The following MGAT1 variants were observed in gnomAD, a reference collection of about 807,000 sequenced individuals.
The protein encoded by MGAT1 is N-glycosyl-oligosaccharide-glycoprotein N-acetylglucosaminyltransferase I.
MGAT1 carries 14 observed loss-of-function variants against 31.7 expected under a neutral mutation model. The observed-to-expected ratio is 0.44, with a 90% CI of 0.29 to 0.69. The LOEUF (loss-of-function observed/expected upper bound fraction) is 0.69, where lower values mean the gene tolerates loss of function less well. Ranked by LOEUF, MGAT1 falls within the 30% of genes least tolerant of loss-of-function variation. MGAT1 has a pLI of 0.12. For synonymous variants in MGAT1, 338 were observed against 276.0 expected (o/e 1.22, Z -2.23); for missense variants, 557 against 626.0 (o/e 0.89, Z 1.18).
At position 180,792,062 on chromosome 5, in the gene MGAT1, T is replaced by C. The variant is rs573544483; in HGVS notation, c.910A>G (p.Ile304Val). 95 of 1,613,102 alleles carry C rather than the reference T, an allele frequency of 5.9e-5. No individual in the cohort carries two copies. The highest frequency in any genetic ancestry group is 8.0e-5 in the Non-Finnish European group (94 of 1,179,902). ...ATCGTTCTTGAGATCTCAGGGCGTATGCAGGCCCGCCCCTGCCGCTGCTCC... is the reference window on the plus strand; with the variant it reads ...ATCGTTCTTGAGATCTCAGGGCGTACGCAGGCCCGCCCCTGCCGCTGCTCC... ...RPEQRQGRACIRPEISRTMTF... is the reference protein window; with the variant it reads ...RPEQRQGRACVRPEISRTMTF... The change falls in exon 2 of 2, where the codon ATA becomes GTA. Residue 304 changes from isoleucine to valine, a missense_variant. Coordinates refer to ENST00000307826, the MANE Select transcript of MGAT1 (RefSeq NM_002406.4).
intron 1 of MGAT1, among the ~76,000 whole-genome samples, chr5:180,799,583 G>A (rs1380179197): frequency 6.6e-6 from 1 of 152,166 alleles, no homozygotes; most frequent in African/African-American, 2.4e-5. Flanking sequence ...ACAGTGCTTG[G>A]CACATGTATG....
intron 1 of MGAT1, among the ~76,000 whole-genome samples, chr5:180,814,769 A>G (rs1581937119): frequency 6.6e-6 from 1 of 152,046 alleles, no homozygotes; most frequent in East Asian, 1.9e-4. Context: ...GTGAAACCCC[A>G]TCCCTACTAA....
intron 1 of MGAT1, among the ~76,000 whole-genome samples, chr5:180,796,458 G>T (rs1042413931): frequency 6.6e-6 from 1 of 152,122 alleles, no homozygotes; most frequent in Non-Finnish European, 1.5e-5. Context: ...AGAAATTCAG[G>T]GCAAACGTCG....
chr5:180,786,052 TC>T lies in MGAT1; in HGVS notation c.*5581del, dbSNP rs1370347780. 6.6e-6 allele frequency: 1 copy of T among 152,290 alleles called. No homozygotes were observed. The highest frequency in any genetic ancestry group is 2.4e-5 in the African/African-American group (1 of 41,466). The allele number at this position is 152,290 out of a possible 1,614,324, so 9.4% of individuals were successfully genotyped here. A position where few individuals can be genotyped will look rare whatever the true frequency, so the allele number is the denominator to read the frequency against. ...ATGAGGCTTGCCCTCCCTTCCCCTC[TC>T]CTGCTTCCTGGTAGCTGAACCAGGG... On this transcript the variant is annotated 3_prime_UTR_variant, in exon 2 of 2. Coordinates refer to ENST00000307826, the MANE Select transcript of MGAT1 (RefSeq NM_002406.4).
upstream of MGAT1, among the ~76,000 whole-genome samples, chr5:180,806,633 C>T (rs986692054): frequency 3.3e-5 from 5 of 152,178 alleles, no homozygotes; most frequent in Non-Finnish European, 7.4e-5. Flanking sequence ...GCCTACCGCT[C>T]TACCCTTAGG....
At chr5:180,793,409 T>C (rs1262037535) in intron 1 of MGAT1, among the ~76,000 whole-genome samples, 1 of 152,152 alleles carries the variant, frequency 6.6e-6, no homozygotes, top group Non-Finnish European at 1.5e-5. Flanking sequence ...AGCATCTGCC[T>C]ACCATTCCTC....
At chr5:180,801,733 G>A (rs1770806969) in intron 1 of MGAT1, among the ~76,000 whole-genome samples, 1 of 152,188 alleles carries the variant, frequency 6.6e-6, no homozygotes, top group African/African-American at 2.4e-5. Context: ...GGTTGATTTG[G>A]TTCATCACAA....
chr5:180,807,983 T>C lies in MGAT1; in HGVS notation c.-127+665A>G, dbSNP rs553782951. The stretch of plus-strand genomic sequence containing the variant: ...TCAAAATCCTTGTTTCATTTGCTCC[T>C]CGTAACAACTTGTAAGGGACCTGGA... On this transcript the variant is annotated intron_variant, in intron 2 of 2. Coordinates refer to the MGAT1 transcript ENST00000333055. Among the ~76,000 whole-genome samples, 3 of 152,328 alleles carry C rather than the reference T, an allele frequency of 2.0e-5. No homozygotes were observed. In the South Asian group the frequency reaches 6.2e-4, roughly 32 times the overall value.
intron 1 of MGAT1, chr5:180,811,090 C>T (rs1373628074): frequency 6.6e-6 from 1 of 152,234 alleles, no homozygotes; most frequent in African/African-American, 2.4e-5. Context: ...GGAGCCGCTA[C>T]TCGTTTTTGA....
intron 1 of MGAT1, chr5:180,809,144 A>C (rs1772255468): frequency 2.0e-5 from 3 of 152,146 alleles, no homozygotes; most frequent in South Asian, 4.1e-4. Context: ...AAAACCTTCT[A>C]GTTTCCACTC....
In MGAT1 at chr5:180,792,616, C is replaced by A; in HGVS notation, c.356G>T (p.Arg119Leu). The A allele has an allele frequency of 6.2e-7, 1 of 1,605,806 alleles. No homozygotes were observed. The highest frequency in any genetic ancestry group is 8.5e-7 in the Non-Finnish European group (1 of 1,175,484). ...ATGCAGCAGCTTGTCCAGGCAGCGC[C>A]GAACAGTGCTGCGGTCACAGGCGAT... The part of the protein sequence containing the change: ...LVIACDRSTV[R>L]RCLDKLLHYR... Residue 119 changes from arginine (R) to leucine (L), a missense_variant, in exon 2 of 2, where the codon CGG becomes CTG. This residue lies in a region of MGAT1 where 245 missense variants were observed against 332.9 expected (regional missense o/e 0.74). Transcript: ENST00000307826.
In MGAT1 at chr5:180,802,708, C is replaced by G. The variant is rs894231073; in HGVS notation, c.-155G>C. ...GTCCTCCCGACGTCCTGGCCCCGAA[C>G]TTGGCCTGCTCCGGGGCGCAGGGAG... On this transcript the variant is annotated 5_prime_UTR_variant, in exon 1 of 2. Coordinates refer to ENST00000307826, the MANE Select transcript of MGAT1 (RefSeq NM_002406.4). 2.0e-5 allele frequency: 3 copies of G among 152,292 alleles called. No individual in the cohort carries two copies. The highest frequency in any genetic ancestry group is 7.2e-5 in the African/African-American group (3 of 41,468). The allele number at this position is 152,292 out of a possible 1,614,324, so 9.4% of individuals were successfully genotyped here.
intron 1 of MGAT1, chr5:180,795,728 A>C (rs971413535): frequency 6.6e-6 from 1 of 152,230 alleles, no homozygotes; most frequent in African/African-American, 2.4e-5. Context: ...TCAAATATGT[A>C]GATATTGCCC....
chr5:180,790,667 G>A lies in MGAT1; in HGVS notation c.*967C>T, dbSNP rs976167632. 1 of 152,482 alleles carries A rather than the reference G, an allele frequency of 6.6e-6. No individual in the cohort carries two copies. The highest frequency in any genetic ancestry group is 2.4e-5 in the African/African-American group (1 of 41,460). The allele number at this position is 152,482 out of a possible 1,614,324, so 9.4% of individuals were successfully genotyped here. On this transcript the variant is annotated 3_prime_UTR_variant, in exon 2 of 2. Transcript: ENST00000307826. Reference sequence around the variant, plus strand: ...CCTCTCCATCCTGCCATGGCGTCCTGGCCTGTGAGGACATGGGGCGCCTGG... The same window carrying A: ...CCTCTCCATCCTGCCATGGCGTCCTAGCCTGTGAGGACATGGGGCGCCTGG...
At chr5:180,800,527 T>G (rs1770516756) in intron 1 of MGAT1, among the ~76,000 whole-genome samples, 1 of 152,102 alleles carries the variant, frequency 6.6e-6, no homozygotes, top group African/African-American at 2.4e-5. Flanking sequence ...TCAGCAGGAG[T>G]GCTCACTAGA....
In MGAT1 at chr5:180,791,849, T is replaced by C. The variant is rs753710315; in HGVS notation, c.1123A>G (p.Thr375Ala). Residue 375 changes from threonine to alanine, a missense_variant, in exon 2 of 2, where the codon ACC (threonine) becomes GCC (alanine). Physicochemically the swap from Thr to Ala is moderately conservative, Grantham distance 58. This residue lies in a region of MGAT1 where 145 missense variants were observed against 143.2 expected (regional missense o/e 1.01). Transcript: ENST00000307826. ...APQLQVEKVR[T>A]NDRKELGEVR... ...TCCCCCAGCTCCTTCCGGTCATTGG[T>C]CCTCACTTTCTCCACCTGCAGCTGG... The C allele has an allele frequency of 2.5e-6, 4 of 1,614,034 alleles. No homozygotes were observed. The African/African-American group carries it at 5.3e-5, about 22-fold the overall frequency.
intron 2 of MGAT1, among the ~76,000 whole-genome samples, chr5:180,807,839 C>T (rs539524170): frequency 6.6e-6 from 1 of 152,350 alleles, no homozygotes; most frequent in African/African-American, 2.4e-5. Flanking sequence ...TAGGCTGTTG[C>T]CAGCACACTA....
chr5:180,798,575 G>C (rs1268863511), intron 1 of MGAT1, among the ~76,000 whole-genome samples: 1 of 152,198 alleles, frequency 6.6e-6, no homozygotes, highest in African/African-American at 2.4e-5. Flanking sequence ...CAGCAGATGT[G>C]CCTGGGATCT....
upstream of MGAT1, chr5:180,803,457 T>C (rs1229602210): frequency 6.6e-6 from 1 of 152,466 alleles, no homozygotes; most frequent in African/African-American, 2.4e-5. Flanking sequence ...TCACAAGCTT[T>C]GGCGGAAGCA....
Sources: allele counts gnomAD v4.1 joint callset (sites outside exome capture counted in the v4.1 genomes callset), GRCh38; gene constraint gnomAD v4.1.1; regional missense constraint gnomAD v4.1.1; transcripts MANE v1.5; gene names NCBI Gene and HGNC (gene_info 2026-07-23, HGNC 2026-07-21).